Variants in CDK1 observed in about 807,000 individuals in gnomAD.
CDK1 encodes cyclin dependent kinase 1.
A neutral mutation model predicts 34.6 loss-of-function variants in CDK1; 5 were observed. The observed-to-expected ratio is 0.14, with a 90% CI of 0.08 to 0.30. The LOEUF (loss-of-function observed/expected upper bound fraction) is 0.30, where lower values mean the gene tolerates loss of function less well. Among genes scored for constraint, CDK1 ranks in the 10% least tolerant of loss-of-function variants. The pLI, the probability that CDK1 is intolerant of heterozygous loss-of-function variation, is 1.00. For synonymous variants in CDK1, 108 were observed against 114.7 expected (o/e 0.94, Z 0.37); for missense variants, 157 against 345.7 (o/e 0.45, Z 4.33).
At chr10:60,784,633 GAA>G (rs547364646) in intron 2 of CDK1, 70 bp from the exon 3 acceptor site, 125 of 1,035,258 alleles carry the variant, frequency 1.2e-4, no homozygotes, top group Middle Eastern at 4.8e-4. Context: ...CTGCCATAAG[GAA>G]AAAAAAAAAG....
chr10:60,786,745 C>G (rs2080319556), intron 4 of CDK1: 1 of 452,594 alleles, frequency 2.2e-6, no homozygotes, highest in Non-Finnish European at 2.9e-6. Context: ...AATCTGTTAA[C>G]TATGTGAAAA....
Position 60,791,886 on chromosome 10 carries a change from A to G in CDK1, c.490-4A>G. On this transcript the variant is annotated splice_region_variant and splice_polypyrimidine_tract_variant and intron_variant, in intron 5 of 7. Coordinates refer to ENST00000395284, the MANE Select transcript of CDK1 (RefSeq NM_001786.5). Reference sequence around the variant, plus strand: ...ATTCATTGTAAAAATTTGCTTTTTAATAGGTAGTAACACTCTGGTACAGAT... The same window carrying G: ...ATTCATTGTAAAAATTTGCTTTTTAGTAGGTAGTAACACTCTGGTACAGAT... 1 of 1,579,442 alleles carries G rather than the reference A, an allele frequency of 6.3e-7. No individual in the cohort carries two copies. The highest frequency in any genetic ancestry group is 1.4e-5 in the African/African-American group (1 of 73,068).
chr10:60,780,188 A>G lies in CDK1; in HGVS notation c.23A>G (p.Glu8Gly). The change falls in exon 2 of 8, where the codon GAG becomes GGG. Residue 8 changes from glutamate (E) to glycine (G), a missense_variant. By Grantham distance (98) the Glu-to-Gly change is moderately conservative. This residue lies in a region of CDK1 where 53 missense variants were observed against 89.2 expected (regional missense o/e 0.59). Coordinates refer to ENST00000395284, the MANE Select transcript of CDK1 (RefSeq NM_001786.5). MEDYTKIEKIGEGTYGVV... is the reference protein window; with the variant it reads MEDYTKIGKIGEGTYGVV... ...ACTATGGAAGATTATACCAAAATAG[A>G]GAAAATTGGAGAAGGTGAGTGGTTT... is the stretch of plus-strand genomic sequence containing the variant. The G allele has an allele frequency of 6.6e-7, 1 of 1,518,584 alleles. No individual in the cohort carries two copies. Among genetic ancestry groups the G allele is most frequent in the Non-Finnish European group, 9.1e-7 (1 of 1,093,506 alleles). 94.1% of individuals were successfully genotyped at this position (1,518,584 alleles called of 1,614,324 possible).
In CDK1 at chr10:60,786,035, A is replaced by G. The variant is rs567245939; in HGVS notation, c.318+248A>G. The G allele has an allele frequency of 3.6e-6, 4 of 1,096,582 alleles. No individual in the cohort carries two copies. The African/African-American group carries it at 6.5e-5, about 18-fold the overall frequency. The allele number at this position is 1,096,582 out of a possible 1,614,324, so 67.9% of individuals were successfully genotyped here. A position where few individuals can be genotyped will look rare whatever the true frequency, so the allele number is the denominator to read the frequency against. ...GAACTGGTAGGTATTGTTGGAAGCT[A>G]GGGTAGTCTGGTCTTTCTTTGGCTG... is the stretch of plus-strand genomic sequence containing the variant. On this transcript the variant is annotated intron_variant, in intron 4 of 7. Coordinates refer to ENST00000395284, the MANE Select transcript of CDK1 (RefSeq NM_001786.5).
chr10:60,793,851 A>G (rs1275303770), intron 7 of CDK1, 26 bp from the exon 8 acceptor site: 2 of 1,286,154 alleles, frequency 1.6e-6, no homozygotes, highest in Admixed American at 2.2e-5. Flanking sequence ...TCCTAAATAA[A>G]TATCTCTTTT....
At chr10:60,787,889 ATGT>A (rs1382654012) in intron 4 of CDK1, 168 bp from the exon 5 acceptor site, 1 of 399,210 alleles carries the variant, frequency 2.5e-6, no homozygotes, top group Non-Finnish European at 4.5e-6. Context: ...TACAAATGTG[ATGT>A]TGTATATAAA....
Position 60,778,550 on chromosome 10 carries a change from C to A in CDK1, c.-46C>A, listed in dbSNP as rs2080242775. ...CGGTTGTTGTAGCTGCCGCTGCGGC[C>A]GCCGCGGAATAATAAGCCGGGTACA... On this transcript the variant is annotated 5_prime_UTR_variant, in exon 1 of 8. Coordinates refer to ENST00000395284, the MANE Select transcript of CDK1 (RefSeq NM_001786.5). 6.6e-6 allele frequency: 1 copy of A among 152,390 alleles called. No homozygotes were observed. Among genetic ancestry groups the A allele is most frequent in the Admixed American group, 6.5e-5 (1 of 15,300 alleles). 9.4% of individuals were successfully genotyped at this position (152,390 alleles called of 1,614,324 possible).
intron 4 of CDK1, chr10:60,786,126 C>T (rs2080313633): frequency 1.0e-6 from 1 of 962,160 alleles, no homozygotes; most frequent in Non-Finnish European, 1.2e-6. Flanking sequence ...TGTTTTATTC[C>T]AGTTTTGAAC....
chr10:60,781,455 CT>C (rs1010341650), intron 2 of CDK1, among the ~76,000 whole-genome samples: 4 of 152,156 alleles, frequency 2.6e-5, no homozygotes, highest in African/African-American at 7.2e-5. Flanking sequence ...GTTTCTGCCT[CT>C]GCAAATGGTG....
rs768031919 is a variant in CDK1, at chr10:60,793,863, C to CT, written c.796-8dup. On this transcript the variant is annotated splice_polypyrimidine_tract_variant and intron_variant, in intron 7 of 7. Coordinates refer to ENST00000395284, the MANE Select transcript of CDK1 (RefSeq NM_001786.5). ...ATTTCCTAAATAAATATCTCTTTTT[C>CT]TTTTTTCTCCCAGAAAATGTTAATC... is the stretch of plus-strand genomic sequence containing the variant. 3.5e-6 allele frequency: 5 copies of CT among 1,419,754 alleles called. No homozygotes were observed. In the South Asian group the frequency reaches 3.8e-5, roughly 11 times the overall value. The allele number at this position is 1,419,754 out of a possible 1,614,324, so 87.9% of individuals were successfully genotyped here.
At chr10:60,780,618 G>A (rs368474468) in intron 2 of CDK1, among the ~76,000 whole-genome samples, 114 of 152,092 alleles carry the variant, frequency 7.5e-4, no homozygotes, top group African/African-American at 2.6e-3. Flanking sequence ...TTTATAGACT[G>A]GTTACAATAA....
In CDK1 at chr10:60,791,759, T is replaced by C. The variant is rs765691228; in HGVS notation, c.490-131T>C. ...TATCTTCAATTTTGTGTACCTTTAA[T>C]TGACTTAAACAATATTATTGGTGGC... On this transcript the variant is annotated intron_variant, in intron 5 of 7. Transcript: ENST00000395284. The C allele has an allele frequency of 1.9e-4, 99 of 510,272 alleles. 1 individual carries two copies. Among genetic ancestry groups the C allele is most frequent in the Admixed American group, 4.0e-4 (11 of 27,256 alleles). 31.6% of individuals were successfully genotyped at this position (510,272 alleles called of 1,614,324 possible). A position where few individuals can be genotyped will look rare whatever the true frequency, so the allele number is the denominator to read the frequency against.
intron 4 of CDK1, 71 bp downstream of exon 4, chr10:60,785,858 G>T: frequency 2.2e-6 from 3 of 1,375,108 alleles, no homozygotes; most frequent in Non-Finnish European, 1.9e-6. Flanking sequence ...AGAAGTCCCT[G>T]CATTTTGTGG....
chr10:60,780,018 A>G, intron 1 of CDK1, 123 bp from the exon 2 acceptor site: 2 of 650,078 alleles, frequency 3.1e-6, no homozygotes, highest in South Asian at 3.5e-5. Flanking sequence ...TGTAATTAAT[A>G]TTTATGGAAT....
Position 60,786,943 on chromosome 10 carries a change from A to T in CDK1, c.319-1117A>T, listed in dbSNP as rs914752206. ...AAGATCGAATGTATTAGAATAATAC[A>T]TGTCAGTATTTTTCTGGTAGTTTTA... On this transcript the variant is annotated intron_variant, in intron 4 of 7. Coordinates refer to ENST00000395284, the MANE Select transcript of CDK1 (RefSeq NM_001786.5). The T allele has an allele frequency of 2.6e-4, 259 of 983,286 alleles. 1 individual carries two copies. The highest frequency in any genetic ancestry group is 8.7e-5 in the African/African-American group (5 of 57,176). 60.9% of individuals were successfully genotyped at this position (983,286 alleles called of 1,614,324 possible). A position where few individuals can be genotyped will look rare whatever the true frequency, so the allele number is the denominator to read the frequency against.
chr10:60,782,945 A>C (rs945120341), intron 2 of CDK1, among the ~76,000 whole-genome samples: 69 of 152,146 alleles, frequency 4.5e-4, no homozygotes, highest in African/African-American at 1.4e-3. Context: ...TTAATTCTGA[A>C]AATTATTTAG....
intron 5 of CDK1, among the ~76,000 whole-genome samples, chr10:60,789,300 A>G (rs2080339410): frequency 6.6e-6 from 1 of 152,066 alleles, no homozygotes; most frequent in Admixed American, 6.5e-5. Context: ...ATTATTGGTA[A>G]CTGTAGTCAG....
chr10:60,787,773 A>G, intron 4 of CDK1: 1 of 179,906 alleles, frequency 5.6e-6, no homozygotes, highest in Non-Finnish European at 1.2e-5. Flanking sequence ...TTCTGTGTAG[A>G]AAACCAATTT....
chr10:60,786,827 GC>G (rs1226146722), intron 4 of CDK1: 1 of 937,532 alleles, frequency 1.1e-6, no homozygotes, highest in East Asian at 1.2e-4. Context: ...ATTATAAACC[GC>G]CTATATTTTC....
Sources: gnomAD v4.1 joint callset for allele counts (sites outside exome capture counted in the v4.1 genomes callset) on GRCh38, gnomAD v4.1.1 for gene constraint, gnomAD v4.1.1 regional missense constraint, MANE v1.5 for transcripts, NCBI Gene and HGNC (gene_info 2026-07-23, HGNC 2026-07-21) for gene names.